The following KHDRBS2 variants were observed in gnomAD, a reference collection of about 807,000 sequenced individuals.
KHDRBS2 encodes the protein KH domain-containing, RNA-binding, signal transduction-associated protein 2.
In KHDRBS2, 26 loss-of-function variants were observed where a neutral mutation model predicts 44.3. That is an observed-to-expected ratio of 0.59 (90% CI 0.43 to 0.81). The LOEUF (loss-of-function observed/expected upper bound fraction) is 0.81. KHDRBS2 is among the 40% of genes least tolerant of loss of function. The pLI is 0.00. For synonymous variants in KHDRBS2, 194 were observed against 151.1 expected (o/e 1.28, Z -2.08); for missense variants, 476 against 433.1 (o/e 1.10, Z -0.88).
rs570677384 is a variant in KHDRBS2, at chr6:62,196,379, G to T, written c.92-19067C>A. Reference sequence around the variant, plus strand: ...TTCCAATTAGGCAAAGAGCCTTATAGAATTTAGATTTCTAGAACTCCACCT... The same window carrying T: ...TTCCAATTAGGCAAAGAGCCTTATATAATTTAGATTTCTAGAACTCCACCT... On this transcript the variant is annotated intron_variant, in intron 1 of 8. Transcript: ENST00000281156. Among the ~76,000 whole-genome samples the T allele has an allele frequency of 1.7e-4, 26 of 152,196 alleles. No individual in the cohort carries two copies. The South Asian group carries it at 5.4e-3, about 32-fold the overall frequency.
At chr6:62,240,892 A>G (rs1834555057) in intron 1 of KHDRBS2, among the ~76,000 whole-genome samples, 1 of 151,420 alleles carries the variant, frequency 6.6e-6, no homozygotes, top group Non-Finnish European at 1.5e-5. Context: ...GTTGACCTCT[A>G]TCTCCATAGG....
the KHDRBS2 span, among the ~76,000 whole-genome samples, chr6:61,609,062 G>A: frequency 9.2e-5 from 14 of 152,136 alleles, no homozygotes; most frequent in African/African-American, 3.4e-4. Flanking sequence ...TCAACAGTGT[G>A]AAAGTGTTCC....
At chr6:61,941,566 C>G (rs1562483365) in intron 4 of KHDRBS2, among the ~76,000 whole-genome samples, 3 of 152,080 alleles carry the variant, frequency 2.0e-5, no homozygotes, top group Non-Finnish European at 4.4e-5. Context: ...ACTGATCTAA[C>G]CTGGTGCTGC....
At chr6:62,062,384 C>A (rs1031025109) in intron 2 of KHDRBS2, among the ~76,000 whole-genome samples, 1 of 144,214 alleles carries the variant, frequency 6.9e-6, no homozygotes, top group Non-Finnish European at 1.5e-5. Flanking sequence ...GGAAGTAAAG[C>A]TCTCCTCAGC....
At chr6:61,759,108 G>A (rs17253818) in intron 6 of KHDRBS2, among the ~76,000 whole-genome samples, 57,908 of 151,810 alleles carry the variant, frequency 0.38, 12,104 homozygotes, top group African/African-American at 0.57. Flanking sequence ...AGGACTTCAA[G>A]CCTTTTAAAG....
intron 6 of KHDRBS2, among the ~76,000 whole-genome samples, chr6:61,850,004 C>T (rs1211531009): frequency 2.0e-5 from 3 of 152,088 alleles, no homozygotes; most frequent in African/African-American, 7.2e-5. Flanking sequence ...GACTGGCACC[C>T]ACAAATGCTT....
Position 61,979,973 on chromosome 6 carries a change from T to A in KHDRBS2, c.337-1761A>T, listed in dbSNP as rs939926516. Among the ~76,000 whole-genome samples, 4 of 152,254 alleles carry A rather than the reference T, an allele frequency of 2.6e-5. No individual in the cohort carries two copies. The South Asian group carries it at 8.3e-4, about 32-fold the overall frequency. On this transcript the variant is annotated intron_variant, in intron 3 of 8. Transcript: ENST00000281156. The stretch of plus-strand genomic sequence containing the variant: ...TTACACCTAGAATTTCCTAGGGAAC[T>A]GAAATAATTTTCAACTCTATTAAGC...
chr6:61,823,440 T>C (rs190054032), intron 6 of KHDRBS2, among the ~76,000 whole-genome samples: 6 of 152,242 alleles, frequency 3.9e-5, no homozygotes, highest in South Asian at 2.1e-4. Flanking sequence ...CCTCTCTTTA[T>C]ATAAAAAGAT....
chr6:61,580,541 A>G, the KHDRBS2 span, among the ~76,000 whole-genome samples: 2 of 152,028 alleles, frequency 1.3e-5, no homozygotes, highest in African/African-American at 4.8e-5. Context: ...TCTGCTGCTC[A>G]CTCTGGGTCT....
At chr6:61,732,868 A>T in intron 6 of KHDRBS2, 104 bp from the exon 7 acceptor site, 1 of 707,954 alleles carries the variant, frequency 1.4e-6, no homozygotes, top group Non-Finnish European at 2.6e-6. Context: ...TTTAGATTTC[A>T]TGTTGGGTAA....
intron 6 of KHDRBS2, among the ~76,000 whole-genome samples, chr6:61,851,998 G>T (rs1421689202): frequency 6.6e-6 from 1 of 152,116 alleles, no homozygotes; most frequent in Non-Finnish European, 1.5e-5. Context: ...GAGGCAGGCG[G>T]ATCACCTGAG....
Position 61,808,816 on chromosome 6 carries a change from T to A in KHDRBS2, c.811-76052A>T, listed in dbSNP as rs1002359890. Among the ~76,000 whole-genome samples, 11 of 152,170 alleles carry A rather than the reference T, an allele frequency of 7.2e-5. No individual in the cohort carries two copies. In the South Asian group the frequency reaches 1.0e-3, roughly 14 times the overall value. The stretch of plus-strand genomic sequence containing the variant: ...TATTTCATGTATCTTTACTTTTTTT[T>A]AAATTAAATTCAAATTTTCTTTTTT... On this transcript the variant is annotated intron_variant, in intron 6 of 8. Coordinates refer to ENST00000281156, the MANE Select transcript of KHDRBS2 (RefSeq NM_152688.4).
chr6:62,097,788 T>A (rs1440079471), intron 2 of KHDRBS2, among the ~76,000 whole-genome samples: 1 of 152,160 alleles, frequency 6.6e-6, no homozygotes, highest in Non-Finnish European at 1.5e-5. Flanking sequence ...GTTTGTGTAT[T>A]GCACACGTTT....
chr6:61,650,286 C>G, the KHDRBS2 span, among the ~76,000 whole-genome samples: 1 of 152,026 alleles, frequency 6.6e-6, no homozygotes, highest in Non-Finnish European at 1.5e-5. Context: ...TCTGGCATAA[C>G]AATGATTTCA....
In KHDRBS2 at chr6:62,012,812, T is replaced by A. The variant is rs73485395; in HGVS notation, c.337-34600A>T. ...TTCCTATCACACGGAAGCATTTTAG[T>A]AACATACATAGCACTACTCACAACC... On this transcript the variant is annotated intron_variant, in intron 3 of 8. Coordinates refer to ENST00000281156, the MANE Select transcript of KHDRBS2 (RefSeq NM_152688.4). 7.9e-3 allele frequency among the ~76,000 whole-genome samples: 1,210 copies of A among 152,296 alleles called. 16 individuals carry two copies. Among genetic ancestry groups the A allele is most frequent in the African/African-American group, 0.028 (1,171 of 41,562 alleles).
intron 6 of KHDRBS2, among the ~76,000 whole-genome samples, chr6:61,806,390 T>C (rs1316562336): frequency 6.6e-6 from 1 of 152,062 alleles, no homozygotes; most frequent in Non-Finnish European, 1.5e-5. Flanking sequence ...TACATAAAAA[T>C]GGAGAGATGC....
intron 1 of KHDRBS2, among the ~76,000 whole-genome samples, chr6:62,177,979 T>TA (rs905586434): frequency 6.6e-6 from 1 of 151,416 alleles, no homozygotes; most frequent in African/African-American, 2.4e-5. Flanking sequence ...ATTTATTCCA[T>TA]AAAAAATATT....
the KHDRBS2 span, among the ~76,000 whole-genome samples, chr6:61,620,496 T>A: frequency 6.6e-6 from 1 of 152,204 alleles, no homozygotes; most frequent in Non-Finnish European, 1.5e-5. Flanking sequence ...GTTCTATCTC[T>A]GCAGCTTACA....
intron 6 of KHDRBS2, among the ~76,000 whole-genome samples, chr6:61,858,557 A>C (rs1796470999): frequency 6.6e-6 from 1 of 151,968 alleles, no homozygotes; most frequent in Non-Finnish European, 1.5e-5. Context: ...TTGCAATATA[A>C]GATCATCTCT....
Sources: allele counts gnomAD v4.1 joint callset (sites outside exome capture counted in the v4.1 genomes callset), GRCh38; gene constraint gnomAD v4.1.1; transcripts MANE v1.5; gene names NCBI Gene and HGNC (gene_info 2026-07-23, HGNC 2026-07-21).